The following HSD17B3 variants were observed in gnomAD, a reference collection of about 807,000 sequenced individuals.
HSD17B3 encodes 17-beta-hydroxysteroid dehydrogenase type 3.
HSD17B3 carries 29 observed loss-of-function variants against 41.1 expected under a neutral mutation model. The ratio of observed to expected loss-of-function variants is 0.71; its 90% CI spans 0.53 to 0.96. The LOEUF is 0.96. Ranked by LOEUF, HSD17B3 falls within the 40% of genes least tolerant of loss-of-function variation. The pLI, the probability that HSD17B3 is intolerant of heterozygous loss-of-function variation, is 0.00. For synonymous variants in HSD17B3, 126 were observed against 145.6 expected, an observed-to-expected ratio of 0.87 and a Z score of 0.97; for missense variants, 323 against 374.6, an observed-to-expected ratio of 0.86 and a Z score of 1.14.
intron 2 of HSD17B3, among the ~76,000 whole-genome samples, chr9:96,285,238 C>T (rs1826872291): frequency 6.6e-6 from 1 of 152,130 alleles, no homozygotes; most frequent in Non-Finnish European, 1.5e-5. Flanking sequence ...TCAGTCTTAC[C>T]ATGATTTGTC....
chr9:96,287,360 T>C (rs1287991903), intron 2 of HSD17B3, among the ~76,000 whole-genome samples: 1 of 152,086 alleles, frequency 6.6e-6, no homozygotes, highest in Non-Finnish European at 1.5e-5. Flanking sequence ...CAGACAAGGG[T>C]GCTCCAGCTG....
At chr9:96,278,032 C>T (rs1826542320) in intron 2 of HSD17B3, among the ~76,000 whole-genome samples, 1 of 152,110 alleles carries the variant, frequency 6.6e-6, no homozygotes, top group South Asian at 2.1e-4. Context: ...GAATCTAAAA[C>T]AGTCAAGCTC....
chr9:96,293,489 G>A (rs1402576586), intron 2 of HSD17B3, among the ~76,000 whole-genome samples: 36 of 145,492 alleles, frequency 2.5e-4, no homozygotes, highest in Admixed American at 6.6e-5. Context: ...AACCATGTGC[G>A]TCAATTCCTT....
intron 5 of HSD17B3, 39 bp from the exon 6 acceptor site, chr9:96,249,825 T>A (rs1219173409): frequency 6.2e-7 from 1 of 1,613,796 alleles, no homozygotes; most frequent in East Asian, 2.2e-5. Flanking sequence ...AGCCGGATGA[T>A]TAGAGAAATT....
intron 2 of HSD17B3, among the ~76,000 whole-genome samples, chr9:96,263,652 C>A (rs1280076005): frequency 1.3e-4 from 19 of 151,924 alleles, no homozygotes; most frequent in Admixed American, 1.2e-3. Context: ...TGGCATGAAC[C>A]CAGGAGGCAG....
Position 96,254,884 on chromosome 9 carries a change from G to A in HSD17B3, c.261C>T (p.Ala87=), listed in dbSNP as rs1382522507. 42 of 1,613,890 alleles carry A rather than the reference G, an allele frequency of 2.6e-5. No individual in the cohort carries two copies. The highest frequency in any genetic ancestry group is 3.5e-5 in the Non-Finnish European group (41 of 1,179,928). Residue 87 remains alanine (A), a synonymous_variant, in exon 3 of 11, where the codon GCC becomes GCT. Coordinates refer to ENST00000375263, the MANE Select transcript of HSD17B3 (RefSeq NM_000197.2). ...GTCACTCACCGATCTCTGTGGCAAT[G>A]GCCTCTAGTTTTTCCAGCGTCCGGC... The part of the protein sequence containing the change: ...LISRTLEKLE[A]IATEIERTTG...
chr9:96,295,599 T>G (rs867954584), intron 2 of HSD17B3, among the ~76,000 whole-genome samples: 42 of 152,068 alleles, frequency 2.8e-4, no homozygotes, highest in African/African-American at 9.7e-4. Flanking sequence ...CCTCCCAAAG[T>G]GCTGGGATTA....
rs544856446 is a variant in HSD17B3, at chr9:96,255,299, C to A, written c.202-356G>T. On this transcript the variant is annotated intron_variant, in intron 2 of 10. Coordinates refer to ENST00000375263, the MANE Select transcript of HSD17B3 (RefSeq NM_000197.2). Reference sequence around the variant, plus strand: ...AATTTAAAATACTGGGGACTTTATACTATATCTTATGTAGCAGGGGGTGGG... The same window carrying A: ...AATTTAAAATACTGGGGACTTTATAATATATCTTATGTAGCAGGGGGTGGG... Among the ~76,000 whole-genome samples, 28 of 140,364 alleles carry A rather than the reference C, an allele frequency of 2.0e-4. No homozygotes were observed. In the South Asian group the frequency reaches 6.8e-3, roughly 34 times the overall value. 92.1% of individuals were successfully genotyped at this position (140,364 alleles called of 152,430 possible).
chr9:96,241,961 A>AAGAAAGAAAG (rs1554692346), intron 9 of HSD17B3, among the ~76,000 whole-genome samples: 2 of 100,694 alleles, frequency 2.0e-5, no homozygotes, highest in African/African-American at 4.2e-5. Context: ...AAAGAACAGA[A>AAGAAAGAAAG]AAAGAAAGAA....
intron 2 of HSD17B3, among the ~76,000 whole-genome samples, chr9:96,290,456 C>CTTTTTTTTTTTTTTT (rs61373611): frequency 3.8e-5 from 3 of 78,432 alleles, no homozygotes; most frequent in South Asian, 1.2e-3. Flanking sequence ...ATTTCCTGGG[C>CTTTTTTTTTTTTTTT]TTTTTTTTTT....
chr9:96,255,367 CTTTTTTTTTTTTTTTTTTTT>C (rs869145717), intron 2 of HSD17B3, among the ~76,000 whole-genome samples: 850 of 54,584 alleles, frequency 0.016, 9 homozygotes, highest in Non-Finnish European at 0.018. Flanking sequence ...CCCAACATTT[CTTTTTTTTTTTTTTTTTTTT>C]TTTTTTTTTT....
chr9:96,275,616 A>T (rs1267329023), intron 2 of HSD17B3, among the ~76,000 whole-genome samples: 2 of 152,066 alleles, frequency 1.3e-5, no homozygotes, highest in African/African-American at 4.8e-5. Context: ...TCTTTCTACA[A>T]AAACACAAAG....
intron 2 of HSD17B3, among the ~76,000 whole-genome samples, chr9:96,296,591 C>G (rs1827367738): frequency 6.6e-6 from 1 of 152,106 alleles, no homozygotes; most frequent in South Asian, 2.1e-4. Context: ...AAGAAAATAG[C>G]TCCCAAAATA....
intron 2 of HSD17B3, among the ~76,000 whole-genome samples, chr9:96,293,292 C>T (rs889328115): frequency 6.6e-5 from 10 of 152,144 alleles, no homozygotes; most frequent in African/African-American, 2.4e-4. Flanking sequence ...GCATATTACA[C>T]TCCATAAGGA....
At chr9:96,281,776 A>T (rs980097467) in intron 2 of HSD17B3, among the ~76,000 whole-genome samples, 4 of 152,204 alleles carry the variant, frequency 2.6e-5, no homozygotes, top group Non-Finnish European at 5.9e-5. Flanking sequence ...CACTACTGAC[A>T]AGCAGCCACC....
intron 2 of HSD17B3, among the ~76,000 whole-genome samples, chr9:96,272,404 T>TCTCTCTCTCTCTCTCC (rs1826283753): frequency 2.5e-5 from 1 of 39,260 alleles, no homozygotes; most frequent in African/African-American, 1.1e-4. Context: ...TCTCTCTCTC[T>TCTCTCTCTCTCTCTCC]CTATATATAT....
At chr9:96,285,215 A>G (rs1389720004) in intron 2 of HSD17B3, among the ~76,000 whole-genome samples, 3 of 152,234 alleles carry the variant, frequency 2.0e-5, no homozygotes, top group African/African-American at 7.2e-5. Context: ...CAGGCCAAGT[A>G]TAATGAAGCA....
At chr9:96,255,151 T>C (rs936871288) in intron 2 of HSD17B3, among the ~76,000 whole-genome samples, 1 of 152,082 alleles carries the variant, frequency 6.6e-6, no homozygotes, top group African/African-American at 2.4e-5. Flanking sequence ...AGGGCCATCA[T>C]GATAGGAGTT....
At chr9:96,285,291 A>C (rs1301636605) in intron 2 of HSD17B3, among the ~76,000 whole-genome samples, 1 of 152,252 alleles carries the variant, frequency 6.6e-6, no homozygotes, top group Non-Finnish European at 1.5e-5. Flanking sequence ...ATTATGTTTC[A>C]AGAACTATGG....
Sources: gnomAD v4.1 joint callset for allele counts (sites outside exome capture counted in the v4.1 genomes callset) on GRCh38, gnomAD v4.1.1 for gene constraint, MANE v1.5 for transcripts, NCBI Gene and HGNC (gene_info 2026-07-23, HGNC 2026-07-21) for gene names.